The following ABCA13 variants were observed in gnomAD, a reference collection of about 807,000 sequenced individuals.
The protein encoded by ABCA13 is ATP-binding cassette sub-family A member 13.
In ABCA13, 476 loss-of-function variants were observed where a neutral mutation model predicts 478.7. That is an observed-to-expected ratio of 0.99 (90% CI 0.92 to 1.07). The LOEUF (loss-of-function observed/expected upper bound fraction) is 1.07, where lower values mean the gene tolerates loss of function less well. ABCA13 is among the 50% of genes least tolerant of loss of function. ABCA13 has a pLI of 0.00. For synonymous variants in ABCA13, 2,252 were observed against 2,158.9 expected, an observed-to-expected ratio of 1.04 and a Z score of -1.20; for missense variants, 6,060 against 5,910.6, an observed-to-expected ratio of 1.03 and a Z score of -0.83.
chr7:48,635,653 G>A (rs1794574142), intron 59 of ABCA13, among the ~76,000 whole-genome samples: 1 of 152,170 alleles, frequency 6.6e-6, no homozygotes, highest in Admixed American at 6.5e-5. Flanking sequence ...ATGTAGCTGG[G>A]GCCAGAATGA....
intron 43 of ABCA13, among the ~76,000 whole-genome samples, chr7:48,462,495 C>A (rs1052585273): frequency 1.1e-4 from 17 of 150,210 alleles, no homozygotes; most frequent in African/African-American, 4.2e-4. Context: ...GTCTTTTTTT[C>A]AGTTCAGGGT....
intron 15 of ABCA13, among the ~76,000 whole-genome samples, chr7:48,264,238 A>G (rs1332513509): frequency 6.6e-6 from 1 of 151,896 alleles, no homozygotes; most frequent in Non-Finnish European, 1.5e-5. Context: ...TGGCTTTACA[A>G]GTAAAGCTGC....
At chr7:48,431,213 A>C (rs1222888930) in intron 42 of ABCA13, among the ~76,000 whole-genome samples, 2 of 152,070 alleles carry the variant, frequency 1.3e-5, no homozygotes, top group African/African-American at 4.8e-5. Flanking sequence ...TCATATTTTT[A>C]ATAGAGATGG....
rs142067540 is a variant in ABCA13, at chr7:48,561,141, C to T, written c.14355-19083C>T. 9.1e-3 allele frequency among the ~76,000 whole-genome samples: 1,388 copies of T among 151,992 alleles called. 5 individuals carry two copies. Among genetic ancestry groups the T allele is most frequent in the Non-Finnish European group, 0.015 (1,009 of 67,958 alleles). On this transcript the variant is annotated intron_variant, in intron 55 of 61. Transcript: ENST00000435803. ...TTATTCATTTTCTTTATTTATCCAT[C>T]CCTTGATGGACATGCAGGTTGATTC... is the stretch of plus-strand genomic sequence containing the variant.
intron 42 of ABCA13, among the ~76,000 whole-genome samples, chr7:48,428,157 C>A (rs980884132): frequency 2.6e-5 from 4 of 152,036 alleles, no homozygotes; most frequent in Non-Finnish European, 5.9e-5. Flanking sequence ...GAATAATGAC[C>A]ATCATTCATC....
intron 27 of ABCA13, among the ~76,000 whole-genome samples, chr7:48,324,340 T>G (rs1290229997): frequency 6.6e-6 from 1 of 152,116 alleles, no homozygotes; most frequent in Non-Finnish European, 1.5e-5. Context: ...TGGATTAGAG[T>G]CCACCCCAAT....
chr7:48,320,599 A>C (rs1257513200), intron 27 of ABCA13, among the ~76,000 whole-genome samples: 1 of 152,200 alleles, frequency 6.6e-6, no homozygotes, highest in Non-Finnish European at 1.5e-5. Flanking sequence ...AGGCTGATGA[A>C]AAATTGAAGA....
intron 31 of ABCA13, among the ~76,000 whole-genome samples, chr7:48,363,077 T>C (rs931247514): frequency 6.6e-6 from 1 of 152,196 alleles, no homozygotes; most frequent in African/African-American, 2.4e-5. Context: ...ACTCATTGCT[T>C]ACCATCAGCC....
chr7:48,478,322 C>A (rs1828377530), intron 45 of ABCA13, among the ~76,000 whole-genome samples: 2 of 140,484 alleles, frequency 1.4e-5, no homozygotes, highest in African/African-American at 5.3e-5. Flanking sequence ...ATCACACACA[C>A]CCATTATGGA....
chr7:48,425,728 G>A (rs997979659), intron 41 of ABCA13, among the ~76,000 whole-genome samples: 4 of 113,276 alleles, frequency 3.5e-5, no homozygotes, highest in Admixed American at 9.2e-5. Flanking sequence ...CCTATAATAT[G>A]TCTTATTTAT....
In ABCA13 at chr7:48,376,440, G is replaced by C. The variant is rs375420805; in HGVS notation, c.11204-1G>C. 5 of 1,612,694 alleles carry C rather than the reference G, an allele frequency of 3.1e-6. No individual in the cohort carries two copies. The highest frequency in any genetic ancestry group is 4.2e-6 in the Non-Finnish European group (5 of 1,179,504). On this transcript the variant is annotated splice_acceptor_variant, in intron 34 of 61. Transcript: ENST00000435803. LOFTEE classifies it high-confidence loss of function. ...AACTCTGACCTTTTTCTTCCTGCTA[G>C]GGATTCAATGGAATAATATGTACCA...
intron 47 of ABCA13, among the ~76,000 whole-genome samples, chr7:48,488,940 T>A (rs977354383): frequency 5.3e-5 from 8 of 152,042 alleles, no homozygotes; most frequent in Non-Finnish European, 1.0e-4. Context: ...GAAAAAAAAA[T>A]GATAGGGTTT....
rs1434701559 is a variant in ABCA13, at chr7:48,273,004, C to G, written c.3338C>G (p.Ser1113Ter). Residue 1113 changes from serine (S) to a stop codon, truncating the protein, a stop_gained, in exon 17 of 62, where the codon TCA (serine) becomes TGA (stop). Coordinates refer to ENST00000435803, the MANE Select transcript of ABCA13 (RefSeq NM_152701.5). LOFTEE classifies it high-confidence loss of function. Reference protein sequence around the residue: ...DNKHISSVNYSTSEESSFVFP... With the variant: ...DNKHISSVNY The stretch of plus-strand genomic sequence containing the variant: ...AAACACATTTCTTCCGTAAATTATT[C>G]AACAAGTGAGGAGTCTTCATTTGTT... 1 of 1,613,616 alleles carries G rather than the reference C, an allele frequency of 6.2e-7. No individual in the cohort carries two copies. Among genetic ancestry groups the G allele is most frequent in the East Asian group, 2.2e-5 (1 of 44,868 alleles).
intron 7 of ABCA13, 79 bp from the exon 8 acceptor site, chr7:48,233,939 G>C: frequency 6.6e-7 from 1 of 1,513,730 alleles, no homozygotes; most frequent in Non-Finnish European, 9.0e-7. Flanking sequence ...GTGAAAAAAG[G>C]TATTTTTTTT....
rs112103226 is a variant in ABCA13 at position 48,248,328 on chromosome 7, G to A, written c.1749G>A (p.Met583Ile). 17 of 1,613,888 alleles carry A rather than the reference G, an allele frequency of 1.1e-5. No homozygotes were observed. The African/African-American group carries it at 1.2e-4, about 11-fold the overall frequency. The change falls in exon 14 of 62, where the codon ATG becomes ATA. Residue 583 changes from methionine (M) to isoleucine (I), a missense_variant. Physicochemically the swap from Met to Ile is conservative, Grantham distance 10 (BLOSUM62 1). Transcript: ENST00000435803. ...ATTTGGACTGGCAGGAACTTGAGATGCAGCTGTCAGAAGCAAGCCTTTCCT... is the reference window on the plus strand; with the variant it reads ...ATTTGGACTGGCAGGAACTTGAGATACAGCTGTCAGAAGCAAGCCTTTCCT... ...EEYLDWQELEMQLSEASLSCT... is the reference protein window; with the variant it reads ...EEYLDWQELEIQLSEASLSCT...
intron 32 of ABCA13, among the ~76,000 whole-genome samples, 193 bp downstream of exon 32, chr7:48,368,101 A>G (rs1444647023): frequency 6.6e-6 from 1 of 152,114 alleles, no homozygotes; most frequent in African/African-American, 2.4e-5. Context: ...GCAATGCCAG[A>G]TATTTTCCAC....
At chr7:48,549,246 GTT>G (rs1453460192) in intron 55 of ABCA13, among the ~76,000 whole-genome samples, 2 of 151,652 alleles carry the variant, frequency 1.3e-5, no homozygotes, top group Admixed American at 6.6e-5. Context: ...CCAGGTGTGT[GTT>G]GTTCCCCTCC....
chr7:48,624,864 G>T (rs1401577580), intron 59 of ABCA13, among the ~76,000 whole-genome samples: 2 of 151,952 alleles, frequency 1.3e-5, no homozygotes, highest in East Asian at 1.9e-4. Flanking sequence ...CTGTTTGTTT[G>T]TTTTTCTTTC....
intron 32 of ABCA13, among the ~76,000 whole-genome samples, chr7:48,371,262 G>C (rs1812586200): frequency 6.6e-6 from 1 of 152,090 alleles, no homozygotes; most frequent in Non-Finnish European, 1.5e-5. Context: ...GACTATACAG[G>C]CTCTTTTTTT....
Sources: gnomAD v4.1 joint callset for allele counts (sites outside exome capture counted in the v4.1 genomes callset) on GRCh38, gnomAD v4.1.1 for gene constraint, MANE v1.5 for transcripts, NCBI Gene and HGNC (gene_info 2026-07-23, HGNC 2026-07-21) for gene names.